DDAH1: variants seen among roughly 807,000 people sequenced by gnomAD.
The protein encoded by DDAH1 is N(G),N(G)-dimethylarginine dimethylaminohydrolase 1.
DDAH1 carries 19 observed loss-of-function variants against 28.8 expected under a neutral mutation model. The observed-to-expected ratio is 0.66, with a 90% CI of 0.46 to 0.97. The LOEUF is 0.97. DDAH1 is among the 50% of genes least tolerant of loss of function. The pLI, the probability that DDAH1 is intolerant of heterozygous loss-of-function variation, is 0.00. For missense variants in DDAH1, 326 were observed against 375.9 expected (o/e 0.87, Z 1.10); for synonymous variants, 153 against 154.4 (o/e 0.99, Z 0.07).
rs116931753 is a variant in DDAH1, at chr1:85,567,402, C to T, written c.-123+10582G>A. Among the ~76,000 whole-genome samples the T allele has an allele frequency of 9.2e-4, 140 of 152,242 alleles. 3 individuals carry two copies. The East Asian group carries it at 0.015, about 17-fold the overall frequency. ...TGCTATTCTCATGATAGTGATAGGT[C>T]TCACAAGATCCAATGGTTTTAAAAA... On this transcript the variant is annotated intron_variant, in intron 1 of 6. Coordinates refer to the DDAH1 transcript ENST00000426972.
chr1:85,364,560 T>G (rs1467745358), intron 1 of DDAH1, among the ~76,000 whole-genome samples: 1 of 152,172 alleles, frequency 6.6e-6, no homozygotes, highest in Non-Finnish European at 1.5e-5. Flanking sequence ...TTCTTTTTTT[T>G]TTTTGAGACA....
chr1:85,325,481 T>A (rs1647330943), intron 4 of DDAH1, among the ~76,000 whole-genome samples: 1 of 151,936 alleles, frequency 6.6e-6, no homozygotes, highest in Non-Finnish European at 1.5e-5. Context: ...AATAAGAAAA[T>A]CATATTCCCA....
intron 1 of DDAH1, among the ~76,000 whole-genome samples, chr1:85,449,090 T>C (rs1654556379): frequency 6.6e-6 from 1 of 152,096 alleles, no homozygotes. Flanking sequence ...GTCCCGTCAG[T>C]AAAATGGCCC....
chr1:85,496,991 A>T (rs766357625), intron 1 of DDAH1, among the ~76,000 whole-genome samples: 2 of 152,212 alleles, frequency 1.3e-5, no homozygotes, highest in Non-Finnish European at 2.9e-5. Flanking sequence ...TTTACAGACA[A>T]TGTTCACAGT....
chr1:85,466,832 C>CATTTTTTTTTTTTTTTTTT (rs1655399887), upstream of DDAH1, among the ~76,000 whole-genome samples: 1 of 70,738 alleles, frequency 1.4e-5, no homozygotes. Context: ...ATTATTTATT[C>CATTTTTTTTTTTTTTTTTT]TTTTTTTTTT....
intron 1 of DDAH1, among the ~76,000 whole-genome samples, chr1:85,501,914 T>TA (rs745994525): frequency 5.9e-5 from 9 of 152,212 alleles, no homozygotes; most frequent in Non-Finnish European, 1.2e-4. Flanking sequence ...TTTAGAACTC[T>TA]AATCTTGATT....
intron 1 of DDAH1, among the ~76,000 whole-genome samples, chr1:85,525,646 A>G (rs1170693353): frequency 6.6e-6 from 1 of 151,962 alleles, no homozygotes; most frequent in Non-Finnish European, 1.5e-5. Flanking sequence ...TACATCTGCA[A>G]GAAACAAAAC....
intron 1 of DDAH1, among the ~76,000 whole-genome samples, chr1:85,410,950 A>G (rs1047721019): frequency 5.9e-5 from 9 of 152,150 alleles, no homozygotes; most frequent in African/African-American, 2.2e-4. Context: ...GGAGGGAGAC[A>G]GTATAAAAGG....
intron 1 of DDAH1, among the ~76,000 whole-genome samples, chr1:85,439,876 GA>G (rs1297723679): frequency 6.6e-6 from 1 of 152,126 alleles, no homozygotes; most frequent in Non-Finnish European, 1.5e-5. Flanking sequence ...GAAAAGCAAA[GA>G]ATTAATTCAT....
At chr1:85,327,413 A>G (rs1647475407) in intron 4 of DDAH1, among the ~76,000 whole-genome samples, 1 of 132,572 alleles carries the variant, frequency 7.5e-6, no homozygotes, top group Non-Finnish European at 1.7e-5. Flanking sequence ...GGCCTACGTT[A>G]ACATGTAATC....
intron 2 of DDAH1, chr1:85,494,214 T>A (rs1656501938): frequency 6.6e-6 from 1 of 152,206 alleles, no homozygotes; most frequent in African/African-American, 2.4e-5. Flanking sequence ...TATAAAGTAG[T>A]GCTAGTATTT....
chr1:85,528,324 A>G (rs1657943495), intron 1 of DDAH1, among the ~76,000 whole-genome samples: 1 of 152,132 alleles, frequency 6.6e-6, no homozygotes, highest in Admixed American at 6.6e-5. Context: ...TAAAATTTAT[A>G]TTAATTTCCA....
intron 2 of DDAH1, among the ~76,000 whole-genome samples, chr1:85,486,969 G>A (rs890920621): frequency 2.0e-5 from 3 of 152,176 alleles, no homozygotes; most frequent in South Asian, 2.1e-4. Flanking sequence ...TTCTTTGATA[G>A]ATATTAAACA....
chr1:85,529,754 T>C (rs1460522542), intron 1 of DDAH1, among the ~76,000 whole-genome samples: 6 of 148,364 alleles, frequency 4.0e-5, no homozygotes, highest in Non-Finnish European at 8.9e-5. Context: ...GTCCCTACCC[T>C]AACACAGTTA....
intron 1 of DDAH1, among the ~76,000 whole-genome samples, chr1:85,540,769 C>T (rs185491314): frequency 7.9e-5 from 12 of 151,984 alleles, no homozygotes; most frequent in African/African-American, 2.9e-4. Context: ...ACCAGCCTGG[C>T]CAACATGGTG....
intron 1 of DDAH1, among the ~76,000 whole-genome samples, chr1:85,502,978 G>A (rs753909395): frequency 4.6e-5 from 7 of 152,112 alleles, no homozygotes; most frequent in Admixed American, 1.3e-4. Flanking sequence ...TCAGTGGATT[G>A]ATGTCCCCCT....
chr1:85,463,644 T>A (rs1056594037), intron 1 of DDAH1, among the ~76,000 whole-genome samples: 1 of 152,234 alleles, frequency 6.6e-6, no homozygotes, highest in African/African-American at 2.4e-5. Flanking sequence ...TGGCATTCCA[T>A]CAACCAAGTA....
At chr1:85,556,712 C>A (rs1433528270) in intron 1 of DDAH1, among the ~76,000 whole-genome samples, 1 of 152,162 alleles carries the variant, frequency 6.6e-6, no homozygotes, top group Non-Finnish European at 1.5e-5. Context: ...AATCTACCAA[C>A]CACGTATAAC....
intron 1 of DDAH1, among the ~76,000 whole-genome samples, chr1:85,522,407 A>G (rs1332532180): frequency 8.2e-6 from 1 of 122,636 alleles, no homozygotes; most frequent in East Asian, 2.4e-4. Context: ...ATATTGGGAT[A>G]AAAACATTTA....
Sources: allele counts gnomAD v4.1 joint callset (sites outside exome capture counted in the v4.1 genomes callset), GRCh38; gene constraint gnomAD v4.1.1; transcripts MANE v1.5; gene names NCBI Gene and HGNC (gene_info 2026-07-23, HGNC 2026-07-21).